Variants in SHISA6 observed in about 807,000 individuals in gnomAD.
The protein encoded by SHISA6 is protein shisa-6.
In SHISA6, 22 loss-of-function variants were observed where a neutral mutation model predicts 47.9. That is an observed-to-expected ratio of 0.46 (90% CI 0.33 to 0.66). The LOEUF is 0.66. SHISA6 is among the 30% of genes least tolerant of loss of function. The pLI is 0.02. For missense variants in SHISA6, 680 were observed against 764.6 expected (o/e 0.89, Z 1.30); for synonymous variants, 388 against 337.8 (o/e 1.15, Z -1.63).
chr17:11,322,182 G>T (rs1910738474), intron 2 of SHISA6, among the ~76,000 whole-genome samples: 1 of 151,682 alleles, frequency 6.6e-6, no homozygotes, highest in African/African-American at 2.4e-5. Context: ...TTGTCTATTG[G>T]TGACATAAGT....
At chr17:11,335,009 G>A (rs1360366692) in intron 2 of SHISA6, among the ~76,000 whole-genome samples, 1 of 152,202 alleles carries the variant, frequency 6.6e-6, no homozygotes, top group Non-Finnish European at 1.5e-5. Context: ...GATGTGGGAG[G>A]CTGGCAACTT....
In SHISA6 at chr17:11,452,729, CCCT is replaced by C. The variant is rs537087617; in HGVS notation, c.895+73231_895+73233del. ...CCCTCCTTCTCCTCTTCCTCTCTTCCCCTCCTCCTCCTCTACTCTACCTCCTTC... is the reference window on the plus strand; with the variant it reads ...CCCTCCTTCTCCTCTTCCTCTCTTCCCCTCCTCCTCTACTCTACCTCCTTC... On this transcript the variant is annotated intron_variant, in intron 3 of 5. Transcript: ENST00000441885. Among the ~76,000 whole-genome samples, 8 of 129,060 alleles carry C rather than the reference CCCT, an allele frequency of 6.2e-5. No individual in the cohort carries two copies. In the East Asian group the frequency reaches 9.3e-4, roughly 15 times the overall value. The allele number at this position is 129,060 out of a possible 152,430, so 84.7% of individuals were successfully genotyped here. A position where few individuals can be genotyped will look rare whatever the true frequency, so the allele number is the denominator to read the frequency against.
rs148932084 is a variant in SHISA6, at chr17:11,253,041, G to A, written c.639-10325G>A. 1.2e-4 allele frequency among the ~76,000 whole-genome samples: 18 copies of A among 152,222 alleles called. No homozygotes were observed. In the East Asian group the frequency reaches 2.9e-3, roughly 24 times the overall value. ...AAGCATTCGCGAAGAAGAATATATC[G>A]GGCTTTTGAGCCGAGGATCTCTTAC... On this transcript the variant is annotated intron_variant, in intron 1 of 5. Coordinates refer to ENST00000441885, the MANE Select transcript of SHISA6 (RefSeq NM_207386.4).
intron 2 of SHISA6, among the ~76,000 whole-genome samples, chr17:11,267,526 A>G (rs1404969894): frequency 1.3e-5 from 2 of 152,232 alleles, no homozygotes; most frequent in Non-Finnish European, 2.9e-5. Context: ...TACTTGGTCT[A>G]TAGTAGGACC....
At chr17:11,323,791 C>T (rs9903684) in intron 2 of SHISA6, among the ~76,000 whole-genome samples, 1,780 of 152,152 alleles carry the variant, frequency 0.012, 38 homozygotes, top group African/African-American at 0.041. Flanking sequence ...CTTTCCTTCC[C>T]TTACGCTCCA....
At position 11,246,629 on chromosome 17, in the gene SHISA6, A is replaced by G. The variant is rs187126948; in HGVS notation, c.638+4569A>G. On this transcript the variant is annotated intron_variant, in intron 1 of 5. Transcript: ENST00000441885. The stretch of plus-strand genomic sequence containing the variant: ...CAAAAATAGCGAAAGGAGGAAAGCA[A>G]TCCAGTGAGAGGTTGATTATTCCCA... Among the ~76,000 whole-genome samples, 5 of 152,304 alleles carry G rather than the reference A, an allele frequency of 3.3e-5. No homozygotes were observed. The East Asian group carries it at 5.8e-4, about 18-fold the overall frequency.
intron 3 of SHISA6, among the ~76,000 whole-genome samples, chr17:11,492,663 G>A (rs903272479): frequency 3.9e-5 from 6 of 152,040 alleles, no homozygotes; most frequent in African/African-American, 1.2e-4. Flanking sequence ...CTCCTTGCAC[G>A]CACTACTGTG....
chr17:11,531,093 CAAAG>C (rs1323308231), intron 3 of SHISA6, among the ~76,000 whole-genome samples: 1 of 151,928 alleles, frequency 6.6e-6, no homozygotes, highest in African/African-American at 2.4e-5. Context: ...TATTGATAAA[CAAAG>C]AAACAGCTCA....
chr17:11,366,766 A>G (rs577136756), intron 2 of SHISA6, among the ~76,000 whole-genome samples: 8 of 152,336 alleles, frequency 5.3e-5, no homozygotes, highest in African/African-American at 1.9e-4. Context: ...GCTCTAGAAC[A>G]GAGGAAGCAA....
In SHISA6 at chr17:11,558,252, T is replaced by C. The variant is rs1472088703; in HGVS notation, c.1604T>C (p.Ile535Thr). Reference sequence around the variant, plus strand: ...AACACGGTGGAGCAGCTGCACTACATCCCGGGCCACCACACCTGCTACACA... The same window carrying C: ...AACACGGTGGAGCAGCTGCACTACACCCCGGGCCACCACACCTGCTACACA... Reference protein sequence around the residue: ...RHNTVEQLHYIPGHHTCYTAS... With the variant: ...RHNTVEQLHYTPGHHTCYTAS... Residue 535 changes from isoleucine to threonine, a missense_variant, in exon 6 of 6, where the codon ATC becomes ACC. Ile to Thr is a moderately conservative substitution (Grantham distance 89, BLOSUM62 -1). This residue lies in a region of SHISA6 where 559 missense variants were observed against 674.1 expected (regional missense o/e 0.83). Coordinates refer to ENST00000441885, the MANE Select transcript of SHISA6 (RefSeq NM_207386.4). 6.5e-7 allele frequency: 1 copy of C among 1,539,648 alleles called. No individual in the cohort carries two copies. The highest frequency in any genetic ancestry group is 2.0e-5 in the Admixed American group (1 of 50,980).
intron 2 of SHISA6, among the ~76,000 whole-genome samples, chr17:11,313,301 C>G (rs890882688): frequency 6.6e-6 from 1 of 152,050 alleles, no homozygotes; most frequent in Admixed American, 6.5e-5. Context: ...CTTTTCTTTT[C>G]ATGTGTTTAA....
chr17:11,424,193 T>C (rs1440612622), intron 3 of SHISA6, among the ~76,000 whole-genome samples: 1 of 152,014 alleles, frequency 6.6e-6, no homozygotes, highest in Non-Finnish European at 1.5e-5. Flanking sequence ...AGTGAAATAA[T>C]CAAAATCCAA....
At chr17:11,284,036 G>GACTCTAAT (rs1909212863) in intron 2 of SHISA6, among the ~76,000 whole-genome samples, 1 of 152,048 alleles carries the variant, frequency 6.6e-6, no homozygotes, top group Non-Finnish European at 1.5e-5. Context: ...TTAGAAAACT[G>GACTCTAAT]ACTCTAATAC....
intron 3 of SHISA6, among the ~76,000 whole-genome samples, chr17:11,412,756 T>C (rs1467798264): frequency 6.6e-6 from 1 of 152,086 alleles, no homozygotes; most frequent in African/African-American, 2.4e-5. Context: ...TAGACTTCTA[T>C]GAACTTGGTT....
At chr17:11,412,194 T>A (rs1914142154) in intron 3 of SHISA6, among the ~76,000 whole-genome samples, 1 of 152,220 alleles carries the variant, frequency 6.6e-6, no homozygotes, top group Non-Finnish European at 1.5e-5. Flanking sequence ...TCTCTGAACT[T>A]TAATTTTTTC....
At chr17:11,302,219 C>T (rs147598904) in intron 2 of SHISA6, among the ~76,000 whole-genome samples, 1 of 152,254 alleles carries the variant, frequency 6.6e-6, no homozygotes, top group East Asian at 1.9e-4. Context: ...AACTTTAGGC[C>T]TCTGTTGGAG....
chr17:11,551,413 C>T (rs1264283560), intron 3 of SHISA6, among the ~76,000 whole-genome samples: 1 of 152,152 alleles, frequency 6.6e-6, no homozygotes, highest in African/African-American at 2.4e-5. Context: ...CAGGATGCAT[C>T]CAGACCCTCC....
chr17:11,488,973 G>C (rs1366428241), intron 3 of SHISA6, among the ~76,000 whole-genome samples: 1 of 152,148 alleles, frequency 6.6e-6, no homozygotes, highest in Non-Finnish European at 1.5e-5. Flanking sequence ...TCCCTGATGA[G>C]TCTGTTTCTG....
chr17:11,421,186 A>C (rs1914444086), intron 3 of SHISA6, among the ~76,000 whole-genome samples: 1 of 152,176 alleles, frequency 6.6e-6, no homozygotes, highest in South Asian at 2.1e-4. Flanking sequence ...TTTATGATTA[A>C]ATATTTCCAT....
Sources: allele counts gnomAD v4.1 joint callset (sites outside exome capture counted in the v4.1 genomes callset), GRCh38; gene constraint gnomAD v4.1.1; regional missense constraint gnomAD v4.1.1; transcripts MANE v1.5; gene names NCBI Gene and HGNC (gene_info 2026-07-23, HGNC 2026-07-21).